The following TACC2 variants were observed in gnomAD, a reference collection of about 807,000 sequenced individuals.
The protein encoded by TACC2 is transforming acidic coiled-coil-containing protein 2.
In TACC2, 137 loss-of-function variants were observed where a neutral mutation model predicts 227.3. The ratio of observed to expected loss-of-function variants is 0.60; its 90% CI spans 0.52 to 0.69. The LOEUF is 0.69. Ranked by LOEUF, TACC2 falls within the 30% of genes least tolerant of loss-of-function variation. TACC2 has a pLI of 0.00. For missense variants in TACC2, 3,470 were observed against 3,694.4 expected (o/e 0.94, Z 1.57); for synonymous variants, 1,523 against 1,487.5 (o/e 1.02, Z -0.55).
chr10:122,026,313 C>CAA (rs71022883), intron 2 of TACC2, among the ~76,000 whole-genome samples: 1,862 of 70,994 alleles, frequency 0.026, 116 homozygotes, highest in South Asian at 0.035. Flanking sequence ...GACTCTGTCT[C>CAA]AAAAAAAAAA....
rs781137814 is a variant in TACC2, at chr10:122,088,540, T to G, written c.5522T>G (p.Val1841Gly). The stretch of plus-strand genomic sequence containing the variant: ...GTTCCTAAGAAGGATGCTCCAAGAG[T>G]CATGGATAAAGTCACTTCAGATGAG... Reference protein sequence around the residue: ...PSVPKKDAPRVMDKVTSDETR... With the variant: ...PSVPKKDAPRGMDKVTSDETR... The change falls in exon 5 of 23, where the codon GTC (valine) becomes GGC (glycine). Residue 1841 changes from valine to glycine, a missense_variant. Coordinates refer to ENST00000369005, the MANE Select transcript of TACC2 (RefSeq NM_206862.4). 18 of 1,613,504 alleles carry G rather than the reference T, an allele frequency of 1.1e-5. No homozygotes were observed. Among genetic ancestry groups the G allele is most frequent in the Non-Finnish European group, 1.5e-5 (18 of 1,179,896 alleles).
chr10:122,185,338 G>A (rs1269186193), intron 7 of TACC2, among the ~76,000 whole-genome samples: 2 of 152,094 alleles, frequency 1.3e-5, no homozygotes, highest in African/African-American at 4.8e-5. Context: ...TGGGATTACA[G>A]GCACATGCCA....
chr10:122,006,957 G>A (rs926066706), intron 1 of TACC2, among the ~76,000 whole-genome samples: 6 of 150,314 alleles, frequency 4.0e-5, no homozygotes, highest in Non-Finnish European at 7.4e-5. Context: ...TGCCTCCCGG[G>A]TTCCAGTGAT....
At chr10:122,183,204 C>CA (rs71026009) in intron 7 of TACC2, among the ~76,000 whole-genome samples, 30,988 of 145,790 alleles carry the variant, frequency 0.21, 3,268 homozygotes, top group South Asian at 0.29. Flanking sequence ...GACTCTGTCT[C>CA]AAAAAAAACA....
At chr10:122,203,768 G>C (rs2094983613) in intron 8 of TACC2, among the ~76,000 whole-genome samples, 1 of 152,170 alleles carries the variant, frequency 6.6e-6, no homozygotes, top group Non-Finnish European at 1.5e-5. Context: ...CGGCCGGGCA[G>C]AGGCTGCAAT....
At position 122,083,494 on chromosome 10, in the gene TACC2, A is replaced by G. The variant is rs764588961; in HGVS notation, c.994A>G (p.Ser332Gly). 17 of 1,613,024 alleles carry G rather than the reference A, an allele frequency of 1.1e-5. No homozygotes were observed. The highest frequency in any genetic ancestry group is 2.5e-6 in the Non-Finnish European group (3 of 1,179,994). ...EAEVNAASQE[S>G]CQQPVGAYLP... The stretch of plus-strand genomic sequence containing the variant: ...AGAAGTGAATGCCGCTTCCCAGGAG[A>G]GCTGCCAGCAGCCAGTGGGAGCATA... Residue 332 changes from serine (S) to glycine (G), a missense_variant, in exon 4 of 23, where the codon AGC becomes GGC. Transcript: ENST00000369005.
chr10:122,204,550 T>C (rs1223151177), intron 8 of TACC2, among the ~76,000 whole-genome samples: 1 of 152,132 alleles, frequency 6.6e-6, no homozygotes, highest in African/African-American at 2.4e-5. Flanking sequence ...GAGAGGGACA[T>C]GTGGGCCGGG....
chr10:122,151,927 C>T (rs985507183), intron 7 of TACC2, among the ~76,000 whole-genome samples: 3 of 152,152 alleles, frequency 2.0e-5, no homozygotes, highest in Admixed American at 6.5e-5. Context: ...GGTGACACTG[C>T]GGAGGTGACT....
intron 9 of TACC2, chr10:122,213,389 T>A: frequency 6.2e-7 from 1 of 1,612,028 alleles, no homozygotes; most frequent in East Asian, 2.2e-5. Flanking sequence ...TAAGTAAATT[T>A]AATGCAATCT....
chr10:122,133,509 G>A (rs2088835239), intron 6 of TACC2, among the ~76,000 whole-genome samples: 1 of 152,130 alleles, frequency 6.6e-6, no homozygotes, highest in Non-Finnish European at 1.5e-5. Flanking sequence ...ATGTCTACAT[G>A]TCTATACACA....
rs565323500 is a variant in TACC2, at chr10:122,249,468, G to A, written c.8661-76G>A. ...GGGGCCAGACCAGGCCACTCTCCCTGCCTGGACCTGGGAAGCAGGAGGTGT... is the reference window on the plus strand; with the variant it reads ...GGGGCCAGACCAGGCCACTCTCCCTACCTGGACCTGGGAAGCAGGAGGTGT... On this transcript the variant is annotated intron_variant, in intron 21 of 22. Coordinates refer to ENST00000369005, the MANE Select transcript of TACC2 (RefSeq NM_206862.4). 42 of 1,570,342 alleles carry A rather than the reference G, an allele frequency of 2.7e-5. No homozygotes were observed. The African/African-American group carries it at 4.7e-4, about 18-fold the overall frequency.
At chr10:122,049,725 TTC>T (rs2075463815) in intron 2 of TACC2, among the ~76,000 whole-genome samples, 1 of 152,056 alleles carries the variant, frequency 6.6e-6, no homozygotes, top group African/African-American at 2.4e-5. Flanking sequence ...TTAAATGAGG[TTC>T]TGTTTTTTTT....
At chr10:122,055,220 C>A (rs1331715837) in intron 3 of TACC2, among the ~76,000 whole-genome samples, 1 of 147,454 alleles carries the variant, frequency 6.8e-6, no homozygotes, top group Non-Finnish European at 1.5e-5. Context: ...ACGCCGTCTC[C>A]CAAAAAAAAA....
intron 7 of TACC2, among the ~76,000 whole-genome samples, chr10:122,193,549 T>C (rs2094476295): frequency 6.6e-6 from 1 of 152,178 alleles, no homozygotes; most frequent in African/African-American, 2.4e-5. Context: ...GCACACACTG[T>C]CCGTACTCAC....
intron 8 of TACC2, among the ~76,000 whole-genome samples, chr10:122,207,340 C>A (rs1392389890): frequency 6.6e-6 from 1 of 152,052 alleles, no homozygotes; most frequent in East Asian, 1.9e-4. Context: ...GACTTCGAAC[C>A]CAGTTGGACC....
intron 3 of TACC2, among the ~76,000 whole-genome samples, chr10:122,062,251 T>G (rs1199731466): frequency 6.6e-6 from 1 of 151,930 alleles, no homozygotes; most frequent in Non-Finnish European, 1.5e-5. Flanking sequence ...GCCAGGATGG[T>G]CTCAATCTCC....
rs200143680 is a variant in TACC2 at position 122,230,445 on chromosome 10, C to G, written c.8127+5C>G. 6.2e-7 allele frequency: 1 copy of G among 1,613,626 alleles called. No homozygotes were observed. Among genetic ancestry groups the G allele is most frequent in the Non-Finnish European group, 8.5e-7 (1 of 1,179,782 alleles). ...CGCAGCCACCAGGATGCCAAGGTAC[C>G]GGTTTGCTGCTGCGTGCGCCACCTC... On this transcript the variant is annotated splice_donor_5th_base_variant and intron_variant, in intron 16 of 22. Coordinates refer to ENST00000369005, the MANE Select transcript of TACC2 (RefSeq NM_206862.4).
chr10:122,168,039 A>G (rs1053154192), intron 7 of TACC2, among the ~76,000 whole-genome samples: 1 of 146,062 alleles, frequency 6.8e-6, no homozygotes, highest in Non-Finnish European at 1.5e-5. Flanking sequence ...GGTACACATC[A>G]CCATGCCCAG....
At chr10:122,163,624 A>G in intron 7 of TACC2, 1 of 1,023,198 alleles carries the variant, frequency 9.8e-7, no homozygotes, top group East Asian at 9.2e-5. Context: ...TTCGGACCAC[A>G]CCGGCGCTCA....
Sources: allele counts gnomAD v4.1 joint callset (sites outside exome capture counted in the v4.1 genomes callset), GRCh38; gene constraint gnomAD v4.1.1; transcripts MANE v1.5; gene names NCBI Gene and HGNC (gene_info 2026-07-23, HGNC 2026-07-21).